Variants in DOK6 observed in about 807,000 individuals in gnomAD.
DOK6 encodes the protein downstream of tyrosine kinase 6.
In DOK6, 22 loss-of-function variants were observed where a neutral mutation model predicts 44.0. The ratio of observed to expected loss-of-function variants is 0.50; its 90% CI spans 0.36 to 0.71. DOK6 has a LOEUF of 0.71. Ranked by LOEUF, DOK6 falls within the 30% of genes least tolerant of loss-of-function variation. The pLI, the probability that DOK6 is intolerant of heterozygous loss-of-function variation, is 0.00. For synonymous variants in DOK6, 166 were observed against 145.5 expected, an observed-to-expected ratio of 1.14 and a Z score of -1.01; for missense variants, 340 against 416.4, an observed-to-expected ratio of 0.82 and a Z score of 1.60.
rs1216925537 is a variant in DOK6 at position 69,844,763 on chromosome 18, T to A, written c.*3380T>A. 1 of 152,202 alleles carries A rather than the reference T, an allele frequency of 6.6e-6. No individual in the cohort carries two copies. The highest frequency in any genetic ancestry group is 1.5e-5 in the Non-Finnish European group (1 of 68,036). The allele number at this position is 152,202 out of a possible 1,614,324, so 9.4% of individuals were successfully genotyped here. A position where few individuals can be genotyped will look rare whatever the true frequency, so the allele number is the denominator to read the frequency against. On this transcript the variant is annotated 3_prime_UTR_variant, in exon 8 of 8. Coordinates refer to ENST00000382713, the MANE Select transcript of DOK6 (RefSeq NM_152721.6). Reference sequence around the variant, plus strand: ...AGGGAAGATGCTGTTTGATAGAGCATGTGAAATCAATGGAAACATATTTAT... The same window carrying A: ...AGGGAAGATGCTGTTTGATAGAGCAAGTGAAATCAATGGAAACATATTTAT...
intron 1 of DOK6, among the ~76,000 whole-genome samples, chr18:69,409,990 A>T (rs994196379): frequency 3.3e-5 from 5 of 151,832 alleles, no homozygotes; most frequent in African/African-American, 1.2e-4. Context: ...AGACTTCACC[A>T]CATATTTGGA....
intron 1 of DOK6, among the ~76,000 whole-genome samples, chr18:69,490,827 T>G (rs1176173719): frequency 6.6e-6 from 1 of 152,246 alleles, no homozygotes; most frequent in Non-Finnish European, 1.5e-5. Flanking sequence ...TATTGGGTTT[T>G]ATATCCAACT....
chr18:69,778,812 G>T (rs1388028455), intron 7 of DOK6, among the ~76,000 whole-genome samples: 1 of 152,052 alleles, frequency 6.6e-6, no homozygotes, highest in African/African-American at 2.4e-5. Flanking sequence ...TAGCCTAAAG[G>T]ATTGTGACTG....
chr18:69,491,818 A>C lies in DOK6; in HGVS notation c.67-72669A>C, dbSNP rs370429536. ...AGGTTGCCCAGGAATGTTTCTGAAC[A>C]TGCTGTCTATAAATATATAAATCAT... On this transcript the variant is annotated intron_variant, in intron 1 of 7. Coordinates refer to ENST00000382713, the MANE Select transcript of DOK6 (RefSeq NM_152721.6). Among the ~76,000 whole-genome samples, 20 of 152,246 alleles carry C rather than the reference A, an allele frequency of 1.3e-4. 1 individual carries two copies. Among genetic ancestry groups the C allele is most frequent in the Admixed American group, 2.6e-4 (4 of 15,282 alleles).
rs558430112 is a variant in DOK6, at chr18:69,739,396, A to G, written c.738+293A>G. 8.5e-5 allele frequency among the ~76,000 whole-genome samples: 13 copies of G among 152,368 alleles called. 1 individual carries two copies. Among genetic ancestry groups the G allele is most frequent in the South Asian group, 4.1e-4 (2 of 4,830 alleles). ...TGAAATAAGAAGCAATGCTGTCTGC[A>G]TGTCCCCACATACAGTTGGACAATC... On this transcript the variant is annotated intron_variant, in intron 6 of 7. Transcript: ENST00000382713.
At chr18:69,559,770 A>G (rs1270559955) in intron 1 of DOK6, among the ~76,000 whole-genome samples, 4 of 152,222 alleles carry the variant, frequency 2.6e-5, no homozygotes, top group Middle Eastern at 3.4e-3. Flanking sequence ...TGCCAGCCCC[A>G]TTGGGTTCTG....
At chr18:69,821,786 T>TTG (rs1177095560) in intron 7 of DOK6, among the ~76,000 whole-genome samples, 13 of 15,598 alleles carry the variant, frequency 8.3e-4, no homozygotes, top group Admixed American at 4.7e-3. Flanking sequence ...TAGCATGCTA[T>TTG]TGTTTTTTTT....
intron 7 of DOK6, among the ~76,000 whole-genome samples, chr18:69,839,140 T>C (rs1982136521): frequency 8.2e-6 from 1 of 121,592 alleles, no homozygotes; most frequent in Admixed American, 8.5e-5. Flanking sequence ...TCACCTAGAC[T>C]CCCCCTAGCT....
intron 1 of DOK6, among the ~76,000 whole-genome samples, chr18:69,522,578 GATTA>G (rs1222456431): frequency 5.3e-5 from 8 of 152,008 alleles, no homozygotes; most frequent in East Asian, 1.9e-4. Context: ...AAAAATTAAT[GATTA>G]ATTAAAGAAA....
intron 1 of DOK6, among the ~76,000 whole-genome samples, chr18:69,438,198 A>C (rs773306182): frequency 2.6e-4 from 39 of 152,290 alleles, no homozygotes; most frequent in Non-Finnish European, 5.4e-4. Flanking sequence ...ATGCTATTTG[A>C]TAGCATTTTA....
chr18:69,513,004 T>C lies in DOK6; in HGVS notation c.67-51483T>C, dbSNP rs916345789. 4.6e-5 allele frequency among the ~76,000 whole-genome samples: 7 copies of C among 152,320 alleles called. 1 individual carries two copies. The Middle Eastern group carries it at 0.01, about 222-fold the overall frequency. On this transcript the variant is annotated intron_variant, in intron 1 of 7. Coordinates refer to ENST00000382713, the MANE Select transcript of DOK6 (RefSeq NM_152721.6). ...AGCTAAATTTTTAACTTTATTTTAT[T>C]ATACACCACAATTAGCTGATTTTAT...
intron 1 of DOK6, among the ~76,000 whole-genome samples, chr18:69,458,357 A>C (rs185990301): frequency 6.6e-6 from 1 of 152,208 alleles, no homozygotes; most frequent in Admixed American, 6.5e-5. Flanking sequence ...CTTTCATGAT[A>C]ATAGTCCTCA....
chr18:69,743,764 G>A (rs1269124627), intron 6 of DOK6, among the ~76,000 whole-genome samples: 2 of 149,962 alleles, frequency 1.3e-5, no homozygotes, highest in African/African-American at 5.0e-5. Flanking sequence ...AACATTGCAA[G>A]TAATTTAAAA....
intron 6 of DOK6, among the ~76,000 whole-genome samples, chr18:69,743,511 A>G (rs973139177): frequency 6.6e-6 from 1 of 152,230 alleles, no homozygotes; most frequent in Non-Finnish European, 1.5e-5. Context: ...CTGGATTGAA[A>G]TAATTTAATT....
rs185409461 is a variant in DOK6 at position 69,501,482 on chromosome 18, G to C, written c.67-63005G>C. Reference sequence around the variant, plus strand: ...CAATCCAGCACCACAGCCAACATCAGTTCAATATCTTTTCTTCTCAAGGAA... The same window carrying C: ...CAATCCAGCACCACAGCCAACATCACTTCAATATCTTTTCTTCTCAAGGAA... On this transcript the variant is annotated intron_variant, in intron 1 of 7. Transcript: ENST00000382713. 1.3e-3 allele frequency among the ~76,000 whole-genome samples: 204 copies of C among 152,242 alleles called. 2 individuals carry two copies. The highest frequency in any genetic ancestry group is 4.6e-3 in the African/African-American group (192 of 41,550).
intron 5 of DOK6, among the ~76,000 whole-genome samples, chr18:69,698,990 GCAAA>G (rs762745778): frequency 2.1e-4 from 32 of 152,144 alleles, no homozygotes; most frequent in South Asian, 1.2e-3. Context: ...TTTTTAATAA[GCAAA>G]CAATCTTTTT....
intron 1 of DOK6, among the ~76,000 whole-genome samples, chr18:69,563,803 A>T (rs1291199695): frequency 7.0e-6 from 1 of 142,934 alleles, no homozygotes; most frequent in Non-Finnish European, 1.5e-5. Context: ...AAGTATAATA[A>T]AAAAAAAAAG....
chr18:69,823,842 G>C (rs1981649991), intron 7 of DOK6, among the ~76,000 whole-genome samples: 1 of 151,844 alleles, frequency 6.6e-6, no homozygotes, highest in African/African-American at 2.4e-5. Flanking sequence ...TATTTGGAAA[G>C]AACTGTCTAC....
At chr18:69,810,678 T>A (rs960574695) in intron 7 of DOK6, among the ~76,000 whole-genome samples, 3 of 151,366 alleles carry the variant, frequency 2.0e-5, no homozygotes, top group African/African-American at 7.3e-5. Flanking sequence ...TAGACACTTC[T>A]CAAAAGAAGA....
Sources: gnomAD v4.1 joint callset for allele counts (sites outside exome capture counted in the v4.1 genomes callset) on GRCh38, gnomAD v4.1.1 for gene constraint, MANE v1.5 for transcripts, NCBI Gene and HGNC (gene_info 2026-07-23, HGNC 2026-07-21) for gene names.